The following LRRC28 variants were observed in gnomAD, a reference collection of about 807,000 sequenced individuals.
The protein encoded by LRRC28 is leucine rich repeat containing 28.
LRRC28 carries 39 observed loss-of-function variants against 45.7 expected under a neutral mutation model. The ratio of observed to expected loss-of-function variants is 0.85; its 90% CI spans 0.66 to 1.12. LRRC28 has a LOEUF of 1.12. Among genes scored for constraint, LRRC28 ranks in the 50% most tolerant of loss-of-function variants. LRRC28 has a pLI of 0.00. For synonymous variants in LRRC28, 206 were observed against 178.8 expected, an observed-to-expected ratio of 1.15 and a Z score of -1.22; for missense variants, 435 against 438.5, an observed-to-expected ratio of 0.99 and a Z score of 0.07.
At chr15:99,362,019 C>T (rs775047400) in intron 8 of LRRC28, among the ~76,000 whole-genome samples, 6 of 152,110 alleles carry the variant, frequency 3.9e-5, no homozygotes, top group African/African-American at 4.8e-5. Context: ...TACTGGGAGC[C>T]GTTGGCAGTA....
At chr15:99,287,751 C>T (rs996544378) in intron 4 of LRRC28, 63 bp from the exon 5 acceptor site, 23 of 1,494,660 alleles carry the variant, frequency 1.5e-5, no homozygotes, top group African/African-American at 2.8e-5. Context: ...GGAATACTTG[C>T]TTTAAAGATT....
chr15:99,295,227 T>TTGC (rs1294227121), intron 5 of LRRC28, among the ~76,000 whole-genome samples: 3 of 152,320 alleles, frequency 2.0e-5, no homozygotes, highest in East Asian at 3.9e-4. Flanking sequence ...TTTGTTGCTG[T>TTGC]TGCTGCTGCT....
intron 5 of LRRC28, among the ~76,000 whole-genome samples, chr15:99,302,368 T>C (rs758479715): frequency 1.3e-5 from 2 of 151,534 alleles, no homozygotes; most frequent in East Asian, 3.9e-4. Context: ...TTTGTGTGGG[T>C]GTGTGTTTTT....
chr15:99,268,587 C>G (rs1368323400), intron 2 of LRRC28, among the ~76,000 whole-genome samples: 4 of 152,094 alleles, frequency 2.6e-5, no homozygotes, highest in Non-Finnish European at 5.9e-5. Flanking sequence ...ACTGTTAGTC[C>G]CATCGAATCA....
chr15:99,333,195 G>A (rs918012108), intron 5 of LRRC28, among the ~76,000 whole-genome samples: 10 of 152,156 alleles, frequency 6.6e-5, no homozygotes, highest in African/African-American at 2.4e-4. Context: ...GTGATTTGAT[G>A]TATGAAAAGG....
At chr15:99,316,821 C>A (rs548549677) in intron 5 of LRRC28, among the ~76,000 whole-genome samples, 1 of 151,840 alleles carries the variant, frequency 6.6e-6, no homozygotes, top group East Asian at 1.9e-4. Flanking sequence ...AGCTTGGACA[C>A]CAGGGAAGGT....
chr15:99,268,075 G>C (rs1296517163), intron 2 of LRRC28, among the ~76,000 whole-genome samples: 2 of 152,146 alleles, frequency 1.3e-5, no homozygotes, highest in Admixed American at 6.5e-5. Flanking sequence ...TTGTGGTCCA[G>C]TTAGTTTTGC....
intron 6 of LRRC28, among the ~76,000 whole-genome samples, chr15:99,336,313 G>A (rs1436067124): frequency 6.6e-6 from 1 of 152,200 alleles, no homozygotes; most frequent in African/African-American, 2.4e-5. Context: ...CAGAAGTTAA[G>A]TTACCTGCCA....
intron 5 of LRRC28, among the ~76,000 whole-genome samples, chr15:99,292,481 C>T (rs1406459823): frequency 6.6e-6 from 1 of 150,870 alleles, no homozygotes; most frequent in Non-Finnish European, 1.5e-5. Context: ...TCTCCTGCCT[C>T]AGCCTCCCGA....
chr15:99,303,149 T>A (rs1476680589), intron 5 of LRRC28, among the ~76,000 whole-genome samples: 1 of 152,244 alleles, frequency 6.6e-6, no homozygotes, highest in Non-Finnish European at 1.5e-5. Context: ...TGCCAGCATT[T>A]GGTATCTTCA....
intron 5 of LRRC28, among the ~76,000 whole-genome samples, chr15:99,319,204 G>A (rs755146460): frequency 1.3e-5 from 2 of 152,192 alleles, no homozygotes; most frequent in South Asian, 2.1e-4. Context: ...ACACCTAGTG[G>A]CCTCATTCAG....
intron 9 of LRRC28, among the ~76,000 whole-genome samples, chr15:99,382,769 G>A (rs1269267008): frequency 5.9e-5 from 9 of 151,776 alleles, no homozygotes; most frequent in South Asian, 4.2e-4. Flanking sequence ...AAAAAACAAC[G>A]TAGATTCTGC....
intron 2 of LRRC28, among the ~76,000 whole-genome samples, chr15:99,272,546 G>C (rs2081509769): frequency 6.6e-6 from 1 of 152,192 alleles, no homozygotes. Flanking sequence ...TTTGTTCCAA[G>C]TTAAAAAATT....
chr15:99,312,178 T>A (rs961013015), intron 5 of LRRC28, among the ~76,000 whole-genome samples: 10 of 152,184 alleles, frequency 6.6e-5, no homozygotes, highest in Non-Finnish European at 1.2e-4. Context: ...CATCATAGAG[T>A]ACACTTACAT....
chr15:99,314,717 C>T (rs182915846), intron 5 of LRRC28, among the ~76,000 whole-genome samples: 153 of 152,326 alleles, frequency 1.0e-3, no homozygotes, highest in African/African-American at 3.6e-3. Flanking sequence ...TTACCCCCTT[C>T]ACCTAACCTG....
At chr15:99,307,505 C>G (rs1447997845) in intron 5 of LRRC28, among the ~76,000 whole-genome samples, 5 of 152,182 alleles carry the variant, frequency 3.3e-5, no homozygotes, top group Admixed American at 1.3e-4. Context: ...GATAGATGCC[C>G]AGTCCTAGCA....
At position 99,348,747 on chromosome 15, in the gene LRRC28, GTTTTTTTT is replaced by G. The variant is rs34810764; in HGVS notation, c.593-3619_593-3612del. On this transcript the variant is annotated intron_variant, in intron 6 of 9. Transcript: ENST00000301981. ...TTTGGCTATTTGGGTTTTTTTTGTT[GTTTTTTTT>G]TTGTTTTTTTTGTAGCTCCATATGA... Among the ~76,000 whole-genome samples, 3 of 115,956 alleles carry G rather than the reference GTTTTTTTT, an allele frequency of 2.6e-5. No individual in the cohort carries two copies. The East Asian group carries it at 1.5e-3, about 58-fold the overall frequency. 76.1% of individuals were successfully genotyped at this position (115,956 alleles called of 152,430 possible). A position where few individuals can be genotyped will look rare whatever the true frequency, so the allele number is the denominator to read the frequency against.
chr15:99,383,542 G>A (rs74033478), intron 9 of LRRC28, among the ~76,000 whole-genome samples: 1,553 of 152,266 alleles, frequency 0.01, 30 homozygotes, highest in African/African-American at 0.035. Flanking sequence ...GTGTGTGTCT[G>A]TTTCTCTGTA....
intron 6 of LRRC28, among the ~76,000 whole-genome samples, chr15:99,350,793 T>C (rs563104418): frequency 1.1e-4 from 16 of 152,152 alleles, no homozygotes; most frequent in Non-Finnish European, 1.9e-4. Context: ...TCTTTCTTTT[T>C]TCTCTCTCTC....
Sources: gnomAD v4.1 joint callset for allele counts (sites outside exome capture counted in the v4.1 genomes callset) on GRCh38, gnomAD v4.1.1 for gene constraint, MANE v1.5 for transcripts, NCBI Gene and HGNC (gene_info 2026-07-23, HGNC 2026-07-21) for gene names.